LAMA1: variants seen among roughly 807,000 people sequenced by gnomAD.
LAMA1 encodes laminin subunit alpha-1.
Under a neutral mutation model 348.7 loss-of-function variants are expected in LAMA1, and 219 were observed. The ratio of observed to expected loss-of-function variants is 0.63; its 90% CI spans 0.56 to 0.70. LAMA1 has a LOEUF of 0.70. Among genes scored for constraint, LAMA1 ranks in the 30% least tolerant of loss-of-function variants. The pLI, the probability that LAMA1 is intolerant of heterozygous loss-of-function variation, is 0.00. For synonymous variants in LAMA1, 1,487 were observed against 1,491.0 expected (o/e 1.00, Z 0.06); for missense variants, 3,744 against 3,888.0 (o/e 0.96, Z 0.99).
At chr18:6,956,812 C>A in intron 55 of LAMA1, 47 bp from the exon 56 acceptor site, 5 of 1,608,730 alleles carry the variant, frequency 3.1e-6, no homozygotes, top group Non-Finnish European at 4.3e-6. Context: ...TATCACAAAC[C>A]AGTCCATGAA....
chr18:7,013,979 A>T lies in LAMA1; in HGVS notation c.3199T>A (p.Ser1067Thr), dbSNP rs1281850300. Residue 1067 changes from serine to threonine, a missense_variant, in exon 23 of 63, where the codon TCA (serine) becomes ACA (threonine). Ser to Thr is a moderately conservative substitution (Grantham distance 58, BLOSUM62 1). Around this residue, in one of 3 missense-constraint regions of LAMA1, gnomAD observed 1,529 missense variants for 1,689.4 expected, o/e 0.91. Coordinates refer to ENST00000389658, the MANE Select transcript of LAMA1 (RefSeq NM_005559.4). ...DVVTGHCQCK[S>T]KFGGRACDQC... is the part of the protein sequence containing the mutation. ...TCGCAGGCCCGGCCACCAAATTTTG[A>T]CTTGCACTGGCAATGGCCGGTGACC... is the stretch of plus-strand genomic sequence containing the variant. 1.9e-6 allele frequency: 3 copies of T among 1,613,974 alleles called. No individual in the cohort carries two copies. The highest frequency in any genetic ancestry group is 2.5e-6 in the Non-Finnish European group (3 of 1,179,936).
chr18:6,985,893 G>A (rs374272188), intron 37 of LAMA1, among the ~76,000 whole-genome samples: 53 of 152,220 alleles, frequency 3.5e-4, no homozygotes, highest in African/African-American at 1.2e-3. Context: ...CGAGTAGCTG[G>A]GACTACAGGC....
intron 1 of LAMA1, among the ~76,000 whole-genome samples, chr18:7,101,491 G>T (rs1263624863): frequency 6.6e-6 from 1 of 152,160 alleles, no homozygotes; most frequent in African/African-American, 2.4e-5. Context: ...GACTTGTTAT[G>T]AGTCTGCTTG....
At position 7,012,325 on chromosome 18, in the gene LAMA1, T is replaced by C. The variant is rs189277529; in HGVS notation, c.3364-187A>G. On this transcript the variant is annotated intron_variant, in intron 23 of 62. Transcript: ENST00000389658. ...TTCTCAAAGATCCAATCAGTGATTC[T>C]CAAACACAGATGATTAACAGAATCA... 3.2e-3 allele frequency among the ~76,000 whole-genome samples: 488 copies of C among 152,070 alleles called. 4 individuals carry two copies. Among genetic ancestry groups the C allele is most frequent in the African/African-American group, 0.011 (469 of 41,480 alleles).
intron 7 of LAMA1, among the ~76,000 whole-genome samples, 199 bp from the exon 8 acceptor site, chr18:7,043,604 C>A (rs1485545245): frequency 6.6e-6 from 1 of 152,078 alleles, no homozygotes; most frequent in Non-Finnish European, 1.5e-5. Flanking sequence ...TGCACATACC[C>A]ATTTGACCCA....
chr18:7,096,210 A>G (rs1437625186), intron 1 of LAMA1, among the ~76,000 whole-genome samples: 1 of 152,244 alleles, frequency 6.6e-6, no homozygotes, highest in African/African-American at 2.4e-5. Flanking sequence ...AATACTGCCC[A>G]CATTCCAGAG....
chr18:7,083,005 G>GC (rs2058199204), intron 1 of LAMA1, among the ~76,000 whole-genome samples: 1 of 151,928 alleles, frequency 6.6e-6, no homozygotes, highest in Non-Finnish European at 1.5e-5. Flanking sequence ...AGGGAGTCAT[G>GC]GAGGCACCAC....
chr18:7,109,735 G>T (rs958301583), intron 1 of LAMA1, among the ~76,000 whole-genome samples: 3 of 152,310 alleles, frequency 2.0e-5, no homozygotes, highest in South Asian at 2.1e-4. Flanking sequence ...GAAGGGCGGG[G>T]TGACTGAACT....
chr18:7,016,386 G>A (rs2057887848), intron 21 of LAMA1, 105 bp downstream of exon 21: 2 of 1,242,932 alleles, frequency 1.6e-6, no homozygotes, highest in Non-Finnish European at 2.3e-6. Context: ...GGAAAGAAGA[G>A]AAAAAGTAAA....
At chr18:6,994,456 G>A (rs960734379) in intron 34 of LAMA1, among the ~76,000 whole-genome samples, 4 of 152,208 alleles carry the variant, frequency 2.6e-5, no homozygotes, top group Middle Eastern at 3.2e-3. Flanking sequence ...GAGAATAACG[G>A]ATACAGAGAA....
chr18:6,999,560 A>G lies in LAMA1; in HGVS notation c.4548T>C (p.Ser1516=), dbSNP rs770855093. The part of the protein sequence containing the change: ...CQKCDCNPHG[S]VHGDCDRTSG... ...ATGTGCGGTCACAGTCACCGTGGAC[A>G]GAGCCGTGCGGGTTGCAGTCACACT... Residue 1516 remains serine, a synonymous_variant, in exon 32 of 63, where the codon TCT becomes TCC. Coordinates refer to ENST00000389658, the MANE Select transcript of LAMA1 (RefSeq NM_005559.4). 1.2e-6 allele frequency: 2 copies of G among 1,614,052 alleles called. No homozygotes were observed. Among genetic ancestry groups the G allele is most frequent in the African/African-American group, 1.3e-5 (1 of 74,946 alleles).
chr18:6,943,432 T>G, intron 61 of LAMA1, 30 bp from the exon 62 acceptor site: 1 of 1,575,218 alleles, frequency 6.3e-7, no homozygotes, highest in Non-Finnish European at 8.7e-7. Context: ...TGAGTTTTTG[T>G]GTATTTAAGG....
chr18:7,085,621 C>T (rs7231240), intron 1 of LAMA1, among the ~76,000 whole-genome samples: 67,616 of 151,432 alleles, frequency 0.45, 17,388 homozygotes, highest in East Asian at 0.86. Context: ...GGTTTCACCA[C>T]GTTAGCCAGG....
chr18:7,111,471 G>C (rs2058335607), intron 1 of LAMA1, among the ~76,000 whole-genome samples: 1 of 152,202 alleles, frequency 6.6e-6, no homozygotes, highest in Admixed American at 6.5e-5. Context: ...GGAAGATTCT[G>C]TGCTATTTAT....
At position 7,042,154 on chromosome 18, in the gene LAMA1, A is replaced by T; in HGVS notation, c.1252T>A (p.Leu418Ile). The T allele has an allele frequency of 6.2e-7, 1 of 1,606,278 alleles. No individual in the cohort carries two copies. The highest frequency in any genetic ancestry group is 8.5e-7 in the Non-Finnish European group (1 of 1,173,940). Reference protein sequence around the residue: ...VCIKDDLHSDLHNGKQPGQCP... With the variant: ...VCIKDDLHSDIHNGKQPGQCP... ...TGAATCAAGTACTTACCATTGTGTA[A>T]GTCAGAATGGAGGTCATCCTTAATA... The change falls in exon 9 of 63, where the codon TTA becomes ATA. Residue 418 changes from leucine to isoleucine, a missense_variant. This residue lies in a region of LAMA1 where 1,529 missense variants were observed against 1,689.4 expected (regional missense o/e 0.91). Coordinates refer to ENST00000389658, the MANE Select transcript of LAMA1 (RefSeq NM_005559.4).
chr18:6,974,821 T>C, intron 46 of LAMA1, 82 bp downstream of exon 46: 1 of 1,537,868 alleles, frequency 6.5e-7, no homozygotes, highest in South Asian at 1.1e-5. Flanking sequence ...TCAAAGCCTA[T>C]TATATGATGT....
rs2057767398 is a variant in LAMA1, at chr18:6,993,529, G to A, written c.5008+112C>T. The A allele has an allele frequency of 4.7e-6, 4 of 845,146 alleles. No homozygotes were observed. In the Admixed American group the frequency reaches 7.0e-5, roughly 15 times the overall value. 52.4% of individuals were successfully genotyped at this position (845,146 alleles called of 1,614,324 possible). A position where few individuals can be genotyped will look rare whatever the true frequency, so the allele number is the denominator to read the frequency against. On this transcript the variant is annotated intron_variant, in intron 35 of 62. Transcript: ENST00000389658. ...TCCCCAAACTATTCCAGCCCCTCTG[G>A]TTCCGGAAACCCGATGCAAGAGATA... is the stretch of plus-strand genomic sequence containing the variant.
chr18:7,114,570 C>T (rs1275232780), intron 1 of LAMA1, among the ~76,000 whole-genome samples: 1 of 152,188 alleles, frequency 6.6e-6, no homozygotes, highest in Non-Finnish European at 1.5e-5. Flanking sequence ...CAACTTTTCT[C>T]ACATTATTTC....
At chr18:7,041,320 T>C (rs1209109074) in intron 9 of LAMA1, among the ~76,000 whole-genome samples, 1 of 152,210 alleles carries the variant, frequency 6.6e-6, no homozygotes, top group Non-Finnish European at 1.5e-5. Context: ...GTTTAAATGA[T>C]ATATTTTTTT....
Sources: allele counts gnomAD v4.1 joint callset (sites outside exome capture counted in the v4.1 genomes callset), GRCh38; gene constraint gnomAD v4.1.1; regional missense constraint gnomAD v4.1.1; transcripts MANE v1.5; gene names NCBI Gene and HGNC (gene_info 2026-07-23, HGNC 2026-07-21).